Variants in TAF11 observed in about 807,000 individuals in gnomAD.
The protein encoded by TAF11 is TATA-box binding protein associated factor 11, also known as transcription initiation factor TFIID subunit 11.
TAF11 carries 10 observed loss-of-function variants against 23.0 expected under a neutral mutation model. The observed-to-expected ratio is 0.43, with a 90% CI of 0.27 to 0.74. The LOEUF (loss-of-function observed/expected upper bound fraction) is 0.74. TAF11 is among the 30% of genes least tolerant of loss of function. The pLI is 0.19. For missense variants in TAF11, 196 were observed against 261.7 expected, an observed-to-expected ratio of 0.75 and a Z score of 1.73; for synonymous variants, 85 against 95.8, an observed-to-expected ratio of 0.89 and a Z score of 0.66.
chr6:34,880,142 A>G lies in TAF11; in HGVS notation c.409-79T>C. On this transcript the variant is annotated intron_variant, in intron 3 of 4. Coordinates refer to ENST00000361288, the MANE Select transcript of TAF11 (RefSeq NM_005643.4). The surrounding 1 kb of genome is among the most constrained non-coding windows in gnomAD (Gnocchi z 4.8). ...AACACAGTACCAAGTAATTCACAGA[A>G]AAAGGTAAGATAACTGAAGTGCATT... 6.5e-7 allele frequency: 1 copy of G among 1,546,164 alleles called. No individual in the cohort carries two copies. Among genetic ancestry groups the G allele is most frequent in the Non-Finnish European group, 8.9e-7 (1 of 1,122,684 alleles).
chr6:34,884,028 C>T (rs1050179530), intron 1 of TAF11, among the ~76,000 whole-genome samples: 3 of 152,186 alleles, frequency 2.0e-5, no homozygotes, highest in Non-Finnish European at 2.9e-5. Context: ...GACCTAAAGA[C>T]AGAATTACCA....
chr6:34,879,512 C>CAAAAAAA (rs35438113), intron 4 of TAF11: 1 of 581,440 alleles, frequency 1.7e-6, no homozygotes, highest in Non-Finnish European at 2.1e-6. Context: ...ATCTCCTGCT[C>CAAAAAAA]AAAAAAAAAA....
chr6:34,888,052 C>A, upstream of TAF11: 2 of 1,545,242 alleles, frequency 1.3e-6, no homozygotes, highest in South Asian at 1.2e-5. Context: ...TACTTCCTGT[C>A]GTCGCGCAGC....
In TAF11 at chr6:34,878,601, T is replaced by A. The variant is rs759662478; in HGVS notation, c.625A>T (p.Ile209Phe). 4.4e-6 allele frequency: 7 copies of A among 1,576,288 alleles called. No individual in the cohort carries two copies. The highest frequency in any genetic ancestry group is 1.3e-5 in the African/African-American group (1 of 74,104). Residue 209 changes from isoleucine (I) to phenylalanine (F), a missense_variant, in exon 5 of 5, where the codon ATC becomes TTC. Coordinates refer to ENST00000361288, the MANE Select transcript of TAF11 (RefSeq NM_005643.4). The stretch of plus-strand genomic sequence containing the variant: ...TTCTAGACTTTGGTCTAGAAGAAGA[T>A]GATTTTTTTGTGCTTCGAGTTAGGG... ...QIPNSKHKKI[I>F]FF
rs1766355303 is a variant in TAF11, at chr6:34,878,547, A to G, written c.*43T>C. The G allele has an allele frequency of 9.2e-7, 1 of 1,086,632 alleles. No individual in the cohort carries two copies. 67.3% of individuals were successfully genotyped at this position (1,086,632 alleles called of 1,614,324 possible). A position where few individuals can be genotyped will look rare whatever the true frequency, so the allele number is the denominator to read the frequency against. ...ACAGTCTTATAGGAAGTCTGGAACC[A>G]ATACTTCTTCCGTCAGTAACATAGG... On this transcript the variant is annotated 3_prime_UTR_variant, in exon 5 of 5. Coordinates refer to ENST00000361288, the MANE Select transcript of TAF11 (RefSeq NM_005643.4).
Position 34,878,449 on chromosome 6 carries a change from T to C in TAF11, c.*141A>G, listed in dbSNP as rs551664550. The C allele has an allele frequency of 2.9e-5, 19 of 664,606 alleles. 1 individual carries two copies. Among genetic ancestry groups the C allele is most frequent in the South Asian group, 7.2e-5 (4 of 55,546 alleles). The allele number at this position is 664,606 out of a possible 1,614,324, so 41.2% of individuals were successfully genotyped here. On this transcript the variant is annotated 3_prime_UTR_variant, in exon 5 of 5. Coordinates refer to ENST00000361288, the MANE Select transcript of TAF11 (RefSeq NM_005643.4). ...ACATACTTTCTAGGTGTGACAAATATCAGAGTTTTGAGAAAGACATTAAAA... is the reference window on the plus strand; with the variant it reads ...ACATACTTTCTAGGTGTGACAAATACCAGAGTTTTGAGAAAGACATTAAAA...
In TAF11 at chr6:34,887,905, G is replaced by A. The variant is rs1766568758; in HGVS notation, c.53C>T (p.Ser18Leu). The A allele has an allele frequency of 2.5e-6, 4 of 1,614,156 alleles. No homozygotes were observed. The highest frequency in any genetic ancestry group is 1.1e-5 in the South Asian group (1 of 91,076). Residue 18 changes from serine to leucine, a missense_variant, in exon 1 of 5, where the codon TCG becomes TTG. Ser to Leu is a moderately radical substitution (Grantham distance 145). Coordinates refer to ENST00000361288, the MANE Select transcript of TAF11 (RefSeq NM_005643.4). Reference protein sequence around the residue: ...PSDKGGETGESDETAAVPGDP... With the variant: ...PSDKGGETGELDETAAVPGDP... ...CCCGGGCACAGCGGCCGTCTCATCC[G>A]ACTCCCCTGTCTCTCCACCTTTGTC...
Position 34,877,747 on chromosome 6 carries a change from A to G in TAF11, c.*843T>C, listed in dbSNP as rs1766332044. 6.6e-6 allele frequency: 1 copy of G among 152,248 alleles called. No individual in the cohort carries two copies. Among genetic ancestry groups the G allele is most frequent in the Non-Finnish European group, 1.5e-5 (1 of 68,044 alleles). The allele number at this position is 152,248 out of a possible 1,614,324, so 9.4% of individuals were successfully genotyped here. ...AAAGAATGATCAACTTCCCATTCCA[A>G]CCAGCTAGACAGAAAATGAATACAC... On this transcript the variant is annotated 3_prime_UTR_variant, in exon 5 of 5. Coordinates refer to ENST00000361288, the MANE Select transcript of TAF11 (RefSeq NM_005643.4).
chr6:34,877,819 C>T lies in TAF11; in HGVS notation c.*771G>A, dbSNP rs1212684889. 1 of 152,188 alleles carries T rather than the reference C, an allele frequency of 6.6e-6. No homozygotes were observed. The highest frequency in any genetic ancestry group is 1.5e-5 in the Non-Finnish European group (1 of 68,034). The allele number at this position is 152,188 out of a possible 1,614,324, so 9.4% of individuals were successfully genotyped here. A position where few individuals can be genotyped will look rare whatever the true frequency, so the allele number is the denominator to read the frequency against. On this transcript the variant is annotated 3_prime_UTR_variant, in exon 5 of 5. Coordinates refer to ENST00000361288, the MANE Select transcript of TAF11 (RefSeq NM_005643.4). ...TTTAATGATCACTCACCAAAATCCA[C>T]AGGAGAATCTTAAATGTTTACAAGC...
At position 34,878,496 on chromosome 6, in the gene TAF11, C is replaced by A; in HGVS notation, c.*94G>T. ...AAAATCATCATGGAATCCTTGGAGG[C>A]CTGAGATACTAAAGCACCAATGCAG... On this transcript the variant is annotated 3_prime_UTR_variant, in exon 5 of 5. Coordinates refer to ENST00000361288, the MANE Select transcript of TAF11 (RefSeq NM_005643.4). 1 of 737,916 alleles carries A rather than the reference C, an allele frequency of 1.4e-6. No homozygotes were observed. Among genetic ancestry groups the A allele is most frequent in the South Asian group, 1.5e-5 (1 of 64,968 alleles). 45.7% of individuals were successfully genotyped at this position (737,916 alleles called of 1,614,324 possible).
intron 1 of TAF11, among the ~76,000 whole-genome samples, chr6:34,887,215 T>C (rs911205716): frequency 6.6e-6 from 1 of 152,096 alleles, no homozygotes; most frequent in Non-Finnish European, 1.5e-5. Context: ...AGCAGGAGAA[T>C]CGCGTGAACC....
intron 4 of TAF11, chr6:34,879,755 G>A: frequency 1.0e-6 from 1 of 985,416 alleles, no homozygotes; most frequent in Non-Finnish European, 1.2e-6. Context: ...AGGAATCAGG[G>A]AGGGGATTTC....
intron 4 of TAF11, chr6:34,879,621 C>A: frequency 1.0e-6 from 1 of 985,168 alleles, no homozygotes; most frequent in Non-Finnish European, 1.2e-6. Context: ...TTAGGGACAA[C>A]TCACCATCCC....
At position 34,879,721 on chromosome 6, in the gene TAF11, C is replaced by T. The variant is rs1016669211; in HGVS notation, c.505+246G>A. On this transcript the variant is annotated intron_variant, in intron 4 of 4. Transcript: ENST00000361288. ...TCCACTGCAGAAAATACAAAGTCTA[C>T]TTCTTTCACCCTGGGCTGAGGAAAG... The T allele has an allele frequency of 4.1e-6, 4 of 985,286 alleles. No individual in the cohort carries two copies. The African/African-American group carries it at 5.2e-5, about 13-fold the overall frequency. 61.0% of individuals were successfully genotyped at this position (985,286 alleles called of 1,614,324 possible).
At chr6:34,881,527 G>A (rs1766423617) in intron 2 of TAF11, among the ~76,000 whole-genome samples, 1 of 151,984 alleles carries the variant, frequency 6.6e-6, no homozygotes, top group South Asian at 2.1e-4. Flanking sequence ...TGACCTAGAT[G>A]TATAATTAGT....
At chr6:34,888,061 G>C, upstream of TAF11, 1 of 1,538,314 alleles carries the variant, frequency 6.5e-7, no homozygotes, top group East Asian at 2.3e-5. Flanking sequence ...TCGTCGCGCA[G>C]CGATGACATC....
Position 34,878,554 on chromosome 6 carries a change from C to A in TAF11, c.*36G>T. On this transcript the variant is annotated 3_prime_UTR_variant, in exon 5 of 5. Coordinates refer to ENST00000361288, the MANE Select transcript of TAF11 (RefSeq NM_005643.4). ...TATAGGAAGTCTGGAACCAATACTTCTTCCGTCAGTAACATAGGCCTTTCT... is the reference window on the plus strand; with the variant it reads ...TATAGGAAGTCTGGAACCAATACTTATTCCGTCAGTAACATAGGCCTTTCT... The A allele has an allele frequency of 8.6e-7, 1 of 1,164,006 alleles. No homozygotes were observed. The highest frequency in any genetic ancestry group is 1.3e-6 in the Non-Finnish European group (1 of 770,020). 72.1% of individuals were successfully genotyped at this position (1,164,006 alleles called of 1,614,324 possible).
chr6:34,882,883 G>A (rs4646933), intron 2 of TAF11, 49 bp downstream of exon 2: 179,540 of 1,516,202 alleles, frequency 0.12, 11,713 homozygotes, highest in African/African-American at 0.25. Flanking sequence ...TTAAATTTGT[G>A]TGGTCAAGTG....
At chr6:34,879,075 C>A (rs4646943) in intron 4 of TAF11, among the ~76,000 whole-genome samples, 2 of 151,982 alleles carry the variant, frequency 1.3e-5, no homozygotes, top group Non-Finnish European at 2.9e-5. Flanking sequence ...GGTGGTGGTG[C>A]GCACCTGTGG....
Sources: allele counts gnomAD v4.1 joint callset (sites outside exome capture counted in the v4.1 genomes callset), GRCh38; gene constraint gnomAD v4.1.1; non-coding constraint Gnocchi (gnomAD v3.1); transcripts MANE v1.5; gene names NCBI Gene and HGNC (gene_info 2026-07-23, HGNC 2026-07-21).